DIPK1A: variants seen among roughly 807,000 people sequenced by gnomAD.
DIPK1A encodes the protein family with sequence similarity 69 member A.
DIPK1A carries 27 observed loss-of-function variants against 40.8 expected under a neutral mutation model. That is an observed-to-expected ratio of 0.66 (90% CI 0.49 to 0.91). DIPK1A has a LOEUF of 0.91. DIPK1A is among the 40% of genes least tolerant of loss of function. DIPK1A has a pLI of 0.00. For missense variants in DIPK1A, 412 were observed against 505.7 expected (o/e 0.81, Z 1.78); for synonymous variants, 166 against 171.3 (o/e 0.97, Z 0.24).
At chr1:92,894,204 T>C (rs1435852007) in intron 1 of DIPK1A, among the ~76,000 whole-genome samples, 1 of 152,144 alleles carries the variant, frequency 6.6e-6, no homozygotes, top group African/African-American at 2.4e-5. Context: ...ATATACATTC[T>C]TTTCAGCACC....
chr1:92,845,569 T>A, intron 4 of DIPK1A: 1 of 253,142 alleles, frequency 4.0e-6, no homozygotes, highest in East Asian at 1.4e-4. Context: ...CTGGATGCGG[T>A]GGCTCACGCC....
chr1:92,888,696 T>C (rs1213647936), intron 1 of DIPK1A, among the ~76,000 whole-genome samples: 3 of 152,208 alleles, frequency 2.0e-5, no homozygotes, highest in Non-Finnish European at 4.4e-5. Flanking sequence ...CCATCATTTA[T>C]TTTTTGTCTT....
intron 1 of DIPK1A, chr1:92,934,190 G>C (rs1028820423): frequency 3.9e-5 from 6 of 152,132 alleles, no homozygotes; most frequent in African/African-American, 1.2e-4. Flanking sequence ...ACCTCAACTT[G>C]ATCTATTTCT....
intron 1 of DIPK1A, among the ~76,000 whole-genome samples, chr1:92,923,175 G>A (rs1420742789): frequency 6.6e-6 from 1 of 152,166 alleles, no homozygotes; most frequent in Non-Finnish European, 1.5e-5. Context: ...GTCTCACTCT[G>A]TTGCCCAGGC....
At chr1:92,833,979 G>C (rs1196471808) in intron 4 of DIPK1A, 9 of 351,274 alleles carry the variant, frequency 2.6e-5, no homozygotes, top group Non-Finnish European at 4.9e-5. Flanking sequence ...ATGGCGGGGC[G>C]CACCTGTAGT....
chr1:92,891,824 C>G (rs1360663209), intron 1 of DIPK1A, among the ~76,000 whole-genome samples: 1 of 152,198 alleles, frequency 6.6e-6, no homozygotes, highest in Non-Finnish European at 1.5e-5. Context: ...CTGCGCTTTT[C>G]CAATGGTCTT....
intron 3 of DIPK1A, among the ~76,000 whole-genome samples, chr1:92,848,711 T>C (rs1254995256): frequency 6.6e-6 from 1 of 152,206 alleles, no homozygotes; most frequent in East Asian, 1.9e-4. Flanking sequence ...TCATCTCACA[T>C]TAGAACATGA....
chr1:92,893,647 T>C (rs1218762629), intron 1 of DIPK1A, among the ~76,000 whole-genome samples: 12 of 150,924 alleles, frequency 8.0e-5, no homozygotes, highest in African/African-American at 2.4e-4. Flanking sequence ...AATTCACACA[T>C]AACAATATTA....
downstream of DIPK1A, chr1:92,840,354 C>T: frequency 1.8e-6 from 1 of 546,062 alleles, no homozygotes; most frequent in Non-Finnish European, 3.3e-6. Context: ...AGTGATAATT[C>T]ACATTGCATA....
At chr1:92,895,338 G>A (rs1393271454) in intron 1 of DIPK1A, among the ~76,000 whole-genome samples, 2 of 152,090 alleles carry the variant, frequency 1.3e-5, no homozygotes, top group Non-Finnish European at 2.9e-5. Context: ...TGGGATGCAA[G>A]GCTGGTTCAA....
At chr1:92,919,353 T>C (rs541685511) in intron 1 of DIPK1A, among the ~76,000 whole-genome samples, 14 of 152,336 alleles carry the variant, frequency 9.2e-5, no homozygotes, top group African/African-American at 3.1e-4. Flanking sequence ...ACCGCTTGTA[T>C]CATCATTCTA....
At chr1:92,924,265 T>C (rs1229944026) in intron 1 of DIPK1A, among the ~76,000 whole-genome samples, 5 of 152,316 alleles carry the variant, frequency 3.3e-5, no homozygotes, top group Non-Finnish European at 5.9e-5. Context: ...TTCTACTATA[T>C]AAATAATCTG....
intron 1 of DIPK1A, among the ~76,000 whole-genome samples, chr1:92,908,051 T>C (rs1430223806): frequency 6.6e-6 from 1 of 152,042 alleles, no homozygotes; most frequent in Non-Finnish European, 1.5e-5. Context: ...CTAGATGGAT[T>C]CTAGTGCCAT....
intron 1 of DIPK1A, among the ~76,000 whole-genome samples, chr1:92,937,585 C>T (rs965979469): frequency 2.0e-5 from 3 of 152,120 alleles, no homozygotes; most frequent in Non-Finnish European, 4.4e-5. Context: ...GTGAATGAAC[C>T]AACTATTGCC....
intron 1 of DIPK1A, among the ~76,000 whole-genome samples, chr1:92,928,852 C>T (rs144527069): frequency 6.6e-6 from 1 of 152,206 alleles, no homozygotes; most frequent in Non-Finnish European, 1.5e-5. Flanking sequence ...ATCCCAGCTA[C>T]TCAGGAGGCT....
intron 4 of DIPK1A, chr1:92,836,425 A>G: frequency 1.9e-6 from 3 of 1,588,174 alleles, no homozygotes; most frequent in South Asian, 1.1e-5. Context: ...TGGTGCCTGG[A>G]CCGTGGTACT....
At chr1:92,850,013 C>T (rs1226725727) in intron 3 of DIPK1A, among the ~76,000 whole-genome samples, 1 of 152,018 alleles carries the variant, frequency 6.6e-6, no homozygotes, top group African/African-American at 2.4e-5. Context: ...CTCTGTCACC[C>T]AGGCTGGAGT....
chr1:92,882,893 T>C (rs1488650648), intron 1 of DIPK1A, among the ~76,000 whole-genome samples: 1 of 152,192 alleles, frequency 6.6e-6, no homozygotes, highest in African/African-American at 2.4e-5. Flanking sequence ...AAAGAGACTT[T>C]GGAAACATAT....
At chr1:92,845,892 G>A (rs904049517) in intron 4 of DIPK1A, among the ~76,000 whole-genome samples, 1 of 151,994 alleles carries the variant, frequency 6.6e-6, no homozygotes, top group African/African-American at 2.4e-5. Context: ...CTACTTGGGG[G>A]GCTGAGGCAG....
Sources: gnomAD v4.1 joint callset for allele counts (sites outside exome capture counted in the v4.1 genomes callset) on GRCh38, gnomAD v4.1.1 for gene constraint, MANE v1.5 for transcripts, NCBI Gene and HGNC (gene_info 2026-07-23, HGNC 2026-07-21) for gene names.